Variants in KLHDC4 observed in about 807,000 individuals in gnomAD.
The protein encoded by KLHDC4 is kelch domain-containing protein 4.
A neutral mutation model predicts 62.4 loss-of-function variants in KLHDC4; 90 were observed. The observed-to-expected ratio is 1.44, with a 90% CI of 1.22 to 1.72. The LOEUF is 1.72. Among genes scored for constraint, KLHDC4 ranks in the 40% most tolerant of loss-of-function variants. KLHDC4 has a pLI of 0.00. For synonymous variants in KLHDC4, 386 were observed against 284.4 expected (o/e 1.36, Z -3.59); for missense variants, 1,025 against 699.7 (o/e 1.47, Z -5.25).
chr16:87,721,121 T>C (rs1052865248), intron 7 of KLHDC4, among the ~76,000 whole-genome samples: 5 of 152,000 alleles, frequency 3.3e-5, no homozygotes, highest in Admixed American at 2.6e-4. Context: ...GCTTCGCCAT[T>C]AAAAAATACA....
In KLHDC4 at chr16:87,707,884, T is replaced by G. The variant is rs1334098614; in HGVS notation, c.*193A>C. The G allele has an allele frequency of 2.2e-6, 1 of 451,006 alleles. No homozygotes were observed. Among genetic ancestry groups the G allele is most frequent in the Non-Finnish European group, 4.5e-6 (1 of 223,100 alleles). 27.9% of individuals were successfully genotyped at this position (451,006 alleles called of 1,614,324 possible). A position where few individuals can be genotyped will look rare whatever the true frequency, so the allele number is the denominator to read the frequency against. ...GGAATCCACCTGCACTGCACTCAGT[T>G]GAACTTCCGGCCCAGTGCCGCGTCA... On this transcript the variant is annotated 3_prime_UTR_variant, in exon 12 of 12. Transcript: ENST00000270583.
chr16:87,727,542 C>T (rs568638614), intron 6 of KLHDC4, among the ~76,000 whole-genome samples: 25 of 152,240 alleles, frequency 1.6e-4, no homozygotes, highest in Middle Eastern at 3.4e-3. Context: ...AATCACAGCG[C>T]GGCAAGGAGG....
chr16:87,744,936 C>T (rs555256431), intron 5 of KLHDC4, among the ~76,000 whole-genome samples: 22 of 152,304 alleles, frequency 1.4e-4, no homozygotes, highest in Non-Finnish European at 2.8e-4. Flanking sequence ...TAGACAGGCA[C>T]ATGCACTCAC....
At chr16:87,752,341 T>G (rs1456632897) in intron 4 of KLHDC4, among the ~76,000 whole-genome samples, 21 of 146,916 alleles carry the variant, frequency 1.4e-4, no homozygotes, top group Non-Finnish European at 2.4e-4. Context: ...GTTTTTTCTT[T>G]TTTTTTTTTT....
chr16:87,709,399 G>C lies in KLHDC4; in HGVS notation c.1313C>G (p.Ala438Gly). The C allele has an allele frequency of 6.2e-7, 1 of 1,613,346 alleles. No homozygotes were observed. The highest frequency in any genetic ancestry group is 8.5e-7 in the Non-Finnish European group (1 of 1,179,934). Residue 438 changes from alanine to glycine, a missense_variant, in exon 10 of 12, where the codon GCT (alanine) becomes GGT (glycine). Ala to Gly is a moderately conservative substitution (Grantham distance 60, BLOSUM62 0). Transcript: ENST00000270583. The stretch of plus-strand genomic sequence containing the variant: ...GACGTAGAGCACCCCATGCTTCACA[G>C]CCAGCATGGCGTTGGAGCGTGGACA... Reference protein sequence around the residue: ...GPCPRSNAMLAVKHGVLYVYG... With the variant: ...GPCPRSNAMLGVKHGVLYVYG...
intron 5 of KLHDC4, among the ~76,000 whole-genome samples, chr16:87,745,885 A>T (rs1256902001): frequency 8.5e-5 from 13 of 152,210 alleles, no homozygotes; most frequent in South Asian, 2.1e-4. Context: ...TTAACAACTG[A>T]ATAAGGCTCA....
At chr16:87,734,083 C>T (rs1227463606) in intron 5 of KLHDC4, among the ~76,000 whole-genome samples, 3 of 152,192 alleles carry the variant, frequency 2.0e-5, no homozygotes, top group African/African-American at 2.4e-5. Context: ...CGGTGGCTCA[C>T]GCCTGTCATC....
intron 7 of KLHDC4, among the ~76,000 whole-genome samples, chr16:87,718,310 T>TCTCCCTCCCC (rs1383033464): frequency 0.013 from 173 of 13,454 alleles, 3 homozygotes; most frequent in African/African-American, 0.045. Context: ...TCCCTCCCCC[T>TCTCCCTCCCC]CTCCCTCCCC....
intron 9 of KLHDC4, chr16:87,710,615 AAG>A (rs1193629524): frequency 6.6e-6 from 1 of 152,554 alleles, no homozygotes; most frequent in Non-Finnish European, 1.5e-5. Context: ...TCTAAAGTAA[AAG>A]AGCGAGGCGG....
intron 4 of KLHDC4, among the ~76,000 whole-genome samples, chr16:87,754,423 C>T (rs186445286): frequency 5.0e-4 from 76 of 152,360 alleles, no homozygotes; most frequent in African/African-American, 1.8e-3. Context: ...CCTGCATCTG[C>T]ACGGGATGTT....
At chr16:87,744,411 G>A (rs1296197884) in intron 5 of KLHDC4, among the ~76,000 whole-genome samples, 5 of 132,726 alleles carry the variant, frequency 3.8e-5, no homozygotes, top group Admixed American at 1.6e-4. Context: ...ATGAGACTCC[G>A]TCTCCAAAAA....
chr16:87,735,334 A>G (rs938740291), intron 5 of KLHDC4, among the ~76,000 whole-genome samples: 28 of 150,330 alleles, frequency 1.9e-4, no homozygotes, highest in Admixed American at 6.6e-4. Flanking sequence ...AAACTAAACC[A>G]GTGTGTCTGC....
intron 1 of KLHDC4, among the ~76,000 whole-genome samples, chr16:87,763,941 T>C (rs527453713): frequency 6.6e-6 from 1 of 152,268 alleles, no homozygotes; most frequent in African/African-American, 2.4e-5. Context: ...ACTTGCCATG[T>C]TTGAGACACT....
chr16:87,744,761 G>C (rs2042776648), intron 5 of KLHDC4, among the ~76,000 whole-genome samples: 1 of 152,208 alleles, frequency 6.6e-6, no homozygotes, highest in African/African-American at 2.4e-5. Flanking sequence ...CAATGAATCA[G>C]AAAAAACCTC....
intron 1 of KLHDC4, among the ~76,000 whole-genome samples, chr16:87,764,098 A>G (rs1441803606): frequency 6.6e-6 from 1 of 152,180 alleles, no homozygotes; most frequent in Non-Finnish European, 1.5e-5. Flanking sequence ...TTCCCCCAAT[A>G]ATTGCCAGGA....
intron 9 of KLHDC4, 170 bp from the exon 10 acceptor site, chr16:87,709,837 C>T (rs2035424371): frequency 2.8e-6 from 2 of 727,000 alleles, no homozygotes; most frequent in Non-Finnish European, 4.4e-6. Flanking sequence ...CACTGGGCTG[C>T]AGGAGCACGC....
At chr16:87,699,885 T>TC (rs1266057575) in exon 1 of KLHDC4, 1 of 152,300 alleles carries the variant, frequency 6.6e-6, no homozygotes, top group Non-Finnish European at 1.5e-5. Flanking sequence ...GGGCCATCAG[T>TC]CACCCCCAAG....
At chr16:87,745,965 C>T (rs1394372013) in intron 5 of KLHDC4, among the ~76,000 whole-genome samples, 1 of 152,084 alleles carries the variant, frequency 6.6e-6, no homozygotes, top group Non-Finnish European at 1.5e-5. Context: ...AGTAGAAATA[C>T]AGAAATTAAG....
chr16:87,736,693 C>T (rs1045361792), intron 5 of KLHDC4, among the ~76,000 whole-genome samples: 3 of 152,142 alleles, frequency 2.0e-5, no homozygotes, highest in African/African-American at 7.2e-5. Flanking sequence ...TAAACCACAC[C>T]CTTGTCTCAT....
Sources: allele counts gnomAD v4.1 joint callset (sites outside exome capture counted in the v4.1 genomes callset), GRCh38; gene constraint gnomAD v4.1.1; transcripts MANE v1.5; gene names NCBI Gene and HGNC (gene_info 2026-07-23, HGNC 2026-07-21).